Variants in NFS1 observed in about 807,000 individuals in gnomAD.
NFS1 encodes the protein NFS1 cysteine desulfurase.
Under a neutral mutation model 57.3 loss-of-function variants are expected in NFS1, and 26 were observed. The ratio of observed to expected loss-of-function variants is 0.45; its 90% CI spans 0.33 to 0.63. The LOEUF (loss-of-function observed/expected upper bound fraction) is 0.63. Among genes scored for constraint, NFS1 ranks in the 20% least tolerant of loss-of-function variants. NFS1 has a pLI of 0.02. For synonymous variants in NFS1, 209 were observed against 216.3 expected, an observed-to-expected ratio of 0.97 and a Z score of 0.30; for missense variants, 505 against 605.8, an observed-to-expected ratio of 0.83 and a Z score of 1.75.
intron 4 of NFS1, chr20:35,694,986 A>C (rs1466403252): frequency 6.6e-6 from 1 of 151,924 alleles, no homozygotes; most frequent in African/African-American, 2.4e-5. Context: ...TTCACCACCC[A>C]CCCACCTTAT....
rs534532230 is a variant in NFS1 at position 35,696,442 on chromosome 20, C to T, written c.343G>A (p.Gly115Arg). 83 of 1,613,790 alleles carry T rather than the reference C, an allele frequency of 5.1e-5. No individual in the cohort carries two copies. In the South Asian group the frequency reaches 8.9e-4, roughly 17 times the overall value. ...AAAATGATCTCACGAGGATCAGCTC[C>T]AATCAGAGATGCTACTTGCTGCAAG... The part of the protein sequence containing the change: ...RARQQVASLI[G>R]ADPREIIFTS... The change falls in exon 4 of 13, where the codon GGA (glycine) becomes AGA (arginine). Residue 115 changes from glycine (G) to arginine (R), a missense_variant. By Grantham distance (125) the Gly-to-Arg change is moderately radical. Transcript: ENST00000374092.
chr20:35,678,373 C>T (rs924261752), intron 7 of NFS1, among the ~76,000 whole-genome samples: 18 of 147,800 alleles, frequency 1.2e-4, no homozygotes, highest in African/African-American at 4.5e-4. Context: ...AAATAAAATA[C>T]AAAAATTAGC....
At chr20:35,692,524 T>C (rs1165517889) in intron 4 of NFS1, among the ~76,000 whole-genome samples, 2 of 76,354 alleles carry the variant, frequency 2.6e-5, no homozygotes, top group Admixed American at 1.9e-4. Context: ...ACATCATCTA[T>C]ACTAAAAAAA....
chr20:35,697,883 C>G, intron 2 of NFS1, 83 bp from the exon 3 acceptor site: 2 of 842,914 alleles, frequency 2.4e-6, no homozygotes, highest in South Asian at 3.2e-5. Flanking sequence ...GGCCACCCTG[C>G]CTTAAGACAC....
At position 35,692,094 on chromosome 20, in the gene NFS1, G is replaced by C. The variant is rs193031993; in HGVS notation, c.409-1529C>G. ...CCAGATACTCTGGAGGCTGAGGCAG[G>C]AGAATCGCTTGAACCCAGGAGTTGG... On this transcript the variant is annotated intron_variant, in intron 4 of 12. Transcript: ENST00000374092. Among the ~76,000 whole-genome samples, 153 of 152,150 alleles carry C rather than the reference G, an allele frequency of 1.0e-3. 2 individuals carry two copies. The highest frequency in any genetic ancestry group is 1.7e-3 in the Non-Finnish European group (116 of 68,000).
At position 35,675,119 on chromosome 20, in the gene NFS1, G is replaced by A. The variant is rs866522271; in HGVS notation, c.874C>T (p.Arg292Trp). 1.2e-6 allele frequency: 2 copies of A among 1,613,976 alleles called. No homozygotes were observed. Among genetic ancestry groups the A allele is most frequent in the Non-Finnish European group, 1.7e-6 (2 of 1,179,980 alleles). Residue 292 changes from arginine to tryptophan, a missense_variant, in exon 8 of 13, where the codon CGG (arginine) becomes TGG (tryptophan). Arg to Trp is a moderately radical substitution (Grantham distance 101, BLOSUM62 -3). Transcript: ENST00000374092. Reference protein sequence around the residue: ...QSGGGQERGMRSGTVPTPLVV... With the variant: ...QSGGGQERGMWSGTVPTPLVV... ...AAGGGTGTGGGCACTGTCCCAGACCGCATACCCCGCTCCTGCCCCCCTCCA... is the reference window on the plus strand; with the variant it reads ...AAGGGTGTGGGCACTGTCCCAGACCACATACCCCGCTCCTGCCCCCCTCCA...
rs2035025027 is a variant in NFS1 at position 35,690,548 on chromosome 20, G to A, written c.426C>T (p.Tyr142=). 2 of 1,614,072 alleles carry A rather than the reference G, an allele frequency of 1.2e-6. No homozygotes were observed. Among genetic ancestry groups the A allele is most frequent in the African/African-American group, 1.3e-5 (1 of 75,026 alleles). ...NIAIKGVARF[Y]RSRKKHLITT... ...TGATCAAGTGCTTTTTCCGTGACCT[G>A]TAGAATCGGGCCACCCCCTAGAAAT... The change falls in exon 5 of 13, where the codon TAC becomes TAT. Residue 142 remains tyrosine, a synonymous_variant. Transcript: ENST00000374092.
intron 7 of NFS1, among the ~76,000 whole-genome samples, chr20:35,678,036 A>G (rs934929422): frequency 1.3e-5 from 2 of 152,122 alleles, no homozygotes; most frequent in African/African-American, 4.8e-5. Context: ...CAACATAGTG[A>G]AACCCTGTCT....
intron 12 of NFS1, 145 bp from the exon 13 acceptor site, chr20:35,669,830 T>C (rs1206326806): frequency 1.4e-6 from 1 of 712,244 alleles, no homozygotes; most frequent in Non-Finnish European, 2.5e-6. Flanking sequence ...ACACAGGTGG[T>C]TAAGGTATCC....
intron 6 of NFS1, 80 bp downstream of exon 6, chr20:35,681,808 A>G (rs1302921795): frequency 5.2e-6 from 4 of 764,210 alleles, no homozygotes; most frequent in Middle Eastern, 2.3e-4. Flanking sequence ...TACACTCCAT[A>G]GAGTATTACA....
chr20:35,690,419 G>A lies in NFS1; in HGVS notation c.555C>T (p.Asp185=). ...TGCCAATAGCCACTCCTACCTTTAGGTCAATGATCCCACTCTTCTGCACTG... is the reference window on the plus strand; with the variant it reads ...TGCCAATAGCCACTCCTACCTTTAGATCAATGATCCCACTCTTCTGCACTG... ...YLPVQKSGII[D]LKELEAAIQP... Residue 185 remains aspartate (D), a synonymous_variant, in exon 5 of 13, where the codon GAC becomes GAT. Coordinates refer to ENST00000374092, the MANE Select transcript of NFS1 (RefSeq NM_021100.5). 6.2e-7 allele frequency: 1 copy of A among 1,612,854 alleles called. No homozygotes were observed. Among genetic ancestry groups the A allele is most frequent in the Non-Finnish European group, 8.5e-7 (1 of 1,179,784 alleles).
Position 35,669,215 on chromosome 20 carries a change from T to C in NFS1, c.*407A>G, listed in dbSNP as rs2034612137. ...CATTGAAGTGGATTATGCTTGCTGTTAAAGAAGCTGGTCCAGCCGAGCAGC... is the reference window on the plus strand; with the variant it reads ...CATTGAAGTGGATTATGCTTGCTGTCAAAGAAGCTGGTCCAGCCGAGCAGC... On this transcript the variant is annotated 3_prime_UTR_variant, in exon 13 of 13. Transcript: ENST00000374092. 1 of 163,012 alleles carries C rather than the reference T, an allele frequency of 6.1e-6. No homozygotes were observed. Among genetic ancestry groups the C allele is most frequent in the African/African-American group, 2.4e-5 (1 of 41,798 alleles). 10.1% of individuals were successfully genotyped at this position (163,012 alleles called of 1,614,324 possible).
Position 35,699,269 on chromosome 20 carries a change from C to A in NFS1, c.20G>T (p.Trp7Leu). 7.0e-7 allele frequency: 1 copy of A among 1,421,498 alleles called. No individual in the cohort carries two copies. The highest frequency in any genetic ancestry group is 9.1e-7 in the Non-Finnish European group (1 of 1,097,200). The allele number at this position is 1,421,498 out of a possible 1,614,324, so 88.1% of individuals were successfully genotyped here. A position where few individuals can be genotyped will look rare whatever the true frequency, so the allele number is the denominator to read the frequency against. Residue 7 changes from tryptophan (W) to leucine (L), a missense_variant, in exon 1 of 13, where the codon TGG becomes TTG. Coordinates refer to ENST00000374092, the MANE Select transcript of NFS1 (RefSeq NM_021100.5). This position sits in a 1 kb window ranked among gnomAD's most constrained non-coding sequence, Gnocchi z 4.4. MLLRAA[W>L]RRAAVAVTAA... ...TGTCACCGCCACTGCCGCCCGCCTCCAAGCGGCTCGGAGCAGCATGGTCCC... is the reference window on the plus strand; with the variant it reads ...TGTCACCGCCACTGCCGCCCGCCTCAAAGCGGCTCGGAGCAGCATGGTCCC...
intron 4 of NFS1, among the ~76,000 whole-genome samples, chr20:35,691,964 C>T (rs2035048633): frequency 1.3e-5 from 2 of 151,642 alleles, no homozygotes; most frequent in African/African-American, 4.8e-5. Context: ...GGGAGGGTCA[C>T]CTAAGGTCGG....
chr20:35,697,527 A>G (rs909212095), intron 3 of NFS1, among the ~76,000 whole-genome samples, 157 bp downstream of exon 3: 1 of 152,160 alleles, frequency 6.6e-6, no homozygotes, highest in African/African-American at 2.4e-5. Flanking sequence ...AACCAATCAA[A>G]TGCCTGCAGT....
At chr20:35,688,667 C>T (rs534376114) in intron 5 of NFS1, among the ~76,000 whole-genome samples, 1 of 151,890 alleles carries the variant, frequency 6.6e-6, no homozygotes, top group South Asian at 2.1e-4. Context: ...TATGACCATA[C>T]CACTGCACTC....
In NFS1 at chr20:35,675,194, C is replaced by CA; in HGVS notation, c.798dup (p.Ala267CysfsTer43). The CA allele has an allele frequency of 6.2e-7, 1 of 1,603,676 alleles. No homozygotes were observed. The highest frequency in any genetic ancestry group is 2.2e-5 in the East Asian group (1 of 44,646). On this transcript the variant is annotated frameshift_variant, in exon 8 of 13. Transcript: ENST00000374092. LOFTEE classifies it high-confidence loss of function. Reference sequence around the variant, plus strand: ...CGGGGCCGGCGACGGATGTAGATGGCACCAACCCCTGGGAAACAAAATTTG... The same window carrying CA: ...CGGGGCCGGCGACGGATGTAGATGGCAACCAACCCCTGGGAAACAAAATTTG...
chr20:35,674,090 G>C (rs1430744138), intron 10 of NFS1: 1 of 492,592 alleles, frequency 2.0e-6, no homozygotes, highest in Non-Finnish European at 3.6e-6. Context: ...AGAACTGCTA[G>C]TGTAACCCAC....
intron 11 of NFS1, among the ~76,000 whole-genome samples, chr20:35,673,281 C>G (rs2034686956): frequency 6.9e-6 from 1 of 145,882 alleles, no homozygotes; most frequent in South Asian, 2.3e-4. Flanking sequence ...GAGTAAGACT[C>G]TGTCTCAGAA....
Sources: allele counts gnomAD v4.1 joint callset (sites outside exome capture counted in the v4.1 genomes callset), GRCh38; gene constraint gnomAD v4.1.1; non-coding constraint Gnocchi (gnomAD v3.1); transcripts MANE v1.5; gene names NCBI Gene and HGNC (gene_info 2026-07-23, HGNC 2026-07-21).